Variants in PCLO observed in about 807,000 individuals in gnomAD.
The protein encoded by PCLO is protein piccolo.
PCLO carries 82 observed loss-of-function variants against 427.5 expected under a neutral mutation model. The observed-to-expected ratio is 0.19, with a 90% CI of 0.16 to 0.23. The LOEUF (loss-of-function observed/expected upper bound fraction) is 0.23. PCLO is among the 10% of genes least tolerant of loss of function. PCLO has a pLI of 1.00. For missense variants in PCLO, 6,239 were observed against 6,115.9 expected (o/e 1.02, Z -0.67); for synonymous variants, 2,357 against 2,155.4 (o/e 1.09, Z -2.59).
intron 3 of PCLO, among the ~76,000 whole-genome samples, chr7:82,974,459 T>C (rs1440180875): frequency 1.3e-5 from 2 of 152,164 alleles, no homozygotes. Context: ...GCACAGCTGA[T>C]TTCTCACTGG....
At position 82,822,562 on chromosome 7, in the gene PCLO, G is replaced by A; in HGVS notation, c.14724C>T (p.His4908=). The A allele has an allele frequency of 6.2e-7, 1 of 1,613,922 alleles. No individual in the cohort carries two copies. The highest frequency in any genetic ancestry group is 8.5e-7 in the Non-Finnish European group (1 of 1,179,856). Residue 4908 remains histidine (H), a synonymous_variant, in exon 20 of 25, where the codon CAC becomes CAT. Transcript: ENST00000333891. The stretch of plus-strand genomic sequence containing the variant: ...CTATGGCAGCCCCTGCATCTTCCAG[G>A]TGGGTCTGAGTGACGCTGGTTTTGC... ...SQSKTSVTQT[H]LEDAGAAIAA... is the part of the protein sequence containing the mutation.
chr7:83,103,631 T>C (rs1584029188), intron 3 of PCLO, among the ~76,000 whole-genome samples: 1 of 151,956 alleles, frequency 6.6e-6, no homozygotes, highest in Admixed American at 6.6e-5. Context: ...CAAACCATAA[T>C]AAATACTTCA....
chr7:82,835,959 C>CAATTA (rs1792223067), intron 15 of PCLO, among the ~76,000 whole-genome samples: 1 of 152,046 alleles, frequency 6.6e-6, no homozygotes, highest in South Asian at 2.1e-4. Context: ...ATAGGGGTAG[C>CAATTA]TTATTAGCTG....
At chr7:82,932,096 G>A (rs1794853337) in intron 6 of PCLO, among the ~76,000 whole-genome samples, 1 of 152,092 alleles carries the variant, frequency 6.6e-6, no homozygotes, top group African/African-American at 2.4e-5. Context: ...CAATTATCAG[G>A]GATTTGAGCA....
chr7:82,799,634 C>T (rs189376494), intron 22 of PCLO, among the ~76,000 whole-genome samples: 3 of 152,096 alleles, frequency 2.0e-5, no homozygotes, highest in Non-Finnish European at 4.4e-5. Context: ...CAGACCTCTC[C>T]GTCAACTGGC....
In PCLO at chr7:82,966,330, T is replaced by C. The variant is rs560369603; in HGVS notation, c.3458A>G (p.Gln1153Arg). The C allele has an allele frequency of 6.2e-7, 1 of 1,613,842 alleles. No homozygotes were observed. Among genetic ancestry groups the C allele is most frequent in the African/African-American group, 1.3e-5 (1 of 75,002 alleles). The change falls in exon 4 of 25, where the codon CAA becomes CGA. Residue 1153 changes from glutamine (Q) to arginine (R), a missense_variant. Gln to Arg is a conservative substitution (Grantham distance 43, BLOSUM62 1). This residue lies in a region of PCLO where 4,677 missense variants were observed against 4,468.4 expected (regional missense o/e 1.05). Coordinates refer to ENST00000333891, the MANE Select transcript of PCLO (RefSeq NM_033026.6). ...TTCTTGCTTTTTCACTAATTTTACT[T>C]GGGGAGGCACTGCTGTTTTCTGAGA... Reference protein sequence around the residue: ...SSSQKTAVPPQVKLVKKQEQE... With the variant: ...SSSQKTAVPPRVKLVKKQEQE...
rs1447915433 is a variant in PCLO at position 82,801,588 on chromosome 7, C to T, written c.14937G>A (p.Gly4979=). The part of the protein sequence containing the change: ...ETNLFPIPRI[G]KMGQNGQEPV... Reference sequence around the variant, plus strand: ...GCTCTTGTCCATTCTGTCCCATCTTCCCTCTGTTTAGAAATAAAATAAAAT... The same window carrying T: ...GCTCTTGTCCATTCTGTCCCATCTTTCCTCTGTTTAGAAATAAAATAAAAT... The change falls in exon 22 of 25, where the codon GGG becomes GGA. Residue 4979 remains glycine (G), a synonymous_variant. Transcript: ENST00000333891. The T allele has an allele frequency of 1.9e-6, 3 of 1,569,936 alleles. No homozygotes were observed. The Admixed American group carries it at 5.0e-5, about 26-fold the overall frequency.
intron 3 of PCLO, among the ~76,000 whole-genome samples, chr7:83,082,978 A>T (rs1790140593): frequency 6.6e-6 from 1 of 151,854 alleles, no homozygotes. Context: ...AGATTGATGC[A>T]TTTTGTGTAT....
chr7:82,953,801 G>A lies in PCLO; in HGVS notation c.7152C>T (p.Ser2384=). Residue 2384 remains serine (S), a synonymous_variant, in exon 5 of 25, where the codon TCC becomes TCT. Coordinates refer to ENST00000333891, the MANE Select transcript of PCLO (RefSeq NM_033026.6). ...SQLPSGSPSV[S]SLPAKPRPFF... Reference sequence around the variant, plus strand: ...ATGGGCGAGGTTTAGCTGGAAGAGAGGAAACAGAAGGACTGCCAGATGGTA... The same window carrying A: ...ATGGGCGAGGTTTAGCTGGAAGAGAAGAAACAGAAGGACTGCCAGATGGTA... 6.2e-7 allele frequency: 1 copy of A among 1,602,282 alleles called. No homozygotes were observed. The highest frequency in any genetic ancestry group is 8.5e-7 in the Non-Finnish European group (1 of 1,173,644).
intron 3 of PCLO, among the ~76,000 whole-genome samples, chr7:83,033,982 A>AT (rs1788732432): frequency 6.6e-6 from 1 of 152,164 alleles, no homozygotes; most frequent in African/African-American, 2.4e-5. Context: ...TCTTGTCTTC[A>AT]GTGCGTAATA....
At chr7:82,980,394 G>A (rs1165781036) in intron 3 of PCLO, among the ~76,000 whole-genome samples, 1 of 152,248 alleles carries the variant, frequency 6.6e-6, no homozygotes, top group African/African-American at 2.4e-5. Context: ...CTCCATGGGG[G>A]AAGTCAGCTG....
chr7:83,161,154 T>A (rs1215261081), intron 1 of PCLO, among the ~76,000 whole-genome samples: 1 of 152,218 alleles, frequency 6.6e-6, no homozygotes, highest in East Asian at 1.9e-4. Context: ...GTGAAAATAT[T>A]GTCACTATCC....
Position 83,155,677 on chromosome 7 carries a change from C to G in PCLO, c.964G>C (p.Glu322Gln). The G allele has an allele frequency of 6.2e-7, 1 of 1,613,426 alleles. No individual in the cohort carries two copies. The highest frequency in any genetic ancestry group is 8.5e-7 in the Non-Finnish European group (1 of 1,179,704). ...GKPPAQQPGH[E>Q]KSQPGPAKPP... ...TTTGCAGGCCCAGGCTGTGATTTTT[C>G]ATGTCCAGGCTGCTGTGCTGGAGGT... Residue 322 changes from glutamate to glutamine, a missense_variant, in exon 2 of 25, where the codon GAA becomes CAA. Transcript: ENST00000333891.
intron 22 of PCLO, among the ~76,000 whole-genome samples, chr7:82,782,952 G>A (rs1790905006): frequency 6.6e-6 from 1 of 152,152 alleles, no homozygotes. Flanking sequence ...TTGTCACGAT[G>A]TTTGTTCCAG....
At chr7:82,793,164 C>T (rs1791142490) in intron 22 of PCLO, among the ~76,000 whole-genome samples, 1 of 152,120 alleles carries the variant, frequency 6.6e-6, no homozygotes, top group Admixed American at 6.5e-5. Flanking sequence ...CCATTCACTG[C>T]CCACGTGCAG....
chr7:82,789,076 T>C (rs373611671), intron 22 of PCLO, among the ~76,000 whole-genome samples: 1 of 152,024 alleles, frequency 6.6e-6, no homozygotes, highest in Non-Finnish European at 1.5e-5. Flanking sequence ...TGATTAGTTA[T>C]ATAAAAGTTT....
At position 82,847,242 on chromosome 7, in the gene PCLO, G is replaced by T; in HGVS notation, c.13660C>A (p.Gln4554Lys). 2 of 1,563,496 alleles carry T rather than the reference G, an allele frequency of 1.3e-6. No individual in the cohort carries two copies. Among genetic ancestry groups the T allele is most frequent in the Non-Finnish European group, 8.7e-7 (1 of 1,144,630 alleles). ...EQTGKLMEGMQVLEWNGIPLT... is the reference protein window; with the variant it reads ...EQTGKLMEGMKVLEWNGIPLT... ...GGAATTCCATTCCATTCCAATACTT[G>T]CATCCCTAGAAAGACAAATTTGAAT... is the stretch of plus-strand genomic sequence containing the variant. The change falls in exon 11 of 25, where the codon CAA becomes AAA. Residue 4554 changes from glutamine to lysine, a missense_variant. By Grantham distance (53) the Gln-to-Lys change is moderately conservative. Transcript: ENST00000333891.
rs200910556 is a variant in PCLO, at chr7:82,841,171, T to C, written c.14097+288A>G. ...TTCAAATTTCCAGGAGAATCTGTCA[T>C]GTTTAAAATACATTCGACAAATATA... On this transcript the variant is annotated intron_variant, in intron 14 of 24. Transcript: ENST00000333891. 2.0e-4 allele frequency among the ~76,000 whole-genome samples: 30 copies of C among 152,132 alleles called. No homozygotes were observed. In the East Asian group the frequency reaches 5.8e-3, roughly 29 times the overall value.
chr7:82,840,387 T>C (rs1584034044), intron 14 of PCLO, among the ~76,000 whole-genome samples: 2 of 152,082 alleles, frequency 1.3e-5, no homozygotes, highest in Admixed American at 6.6e-5. Context: ...TTTCTTTGCC[T>C]CAATGTCCTC....
Sources: gnomAD v4.1 joint callset for allele counts (sites outside exome capture counted in the v4.1 genomes callset) on GRCh38, gnomAD v4.1.1 for gene constraint, gnomAD v4.1.1 regional missense constraint, MANE v1.5 for transcripts, NCBI Gene and HGNC (gene_info 2026-07-23, HGNC 2026-07-21) for gene names.